GPNMB: variants seen among roughly 807,000 people sequenced by gnomAD.
GPNMB encodes the protein transmembrane glycoprotein NMB.
In GPNMB, 71 loss-of-function variants were observed where a neutral mutation model predicts 57.3. The ratio of observed to expected loss-of-function variants is 1.24; its 90% CI spans 1.02 to 1.51. GPNMB has a LOEUF of 1.51. GPNMB is among the 40% of genes most tolerant of loss of function. The pLI, the probability that GPNMB is intolerant of heterozygous loss-of-function variation, is 0.00. For missense variants in GPNMB, 677 were observed against 691.9 expected (o/e 0.98, Z 0.24); for synonymous variants, 253 against 263.2 (o/e 0.96, Z 0.38).
chr7:23,256,991 T>G lies in GPNMB; in HGVS notation c.467T>G (p.Phe156Cys). ...ACCGGCCAAAGCCATCATAACGTCT[T>G]CCCTGATGGGAAACCTTTTCCTCAC... ...NGTGQSHHNV[F>C]PDGKPFPHHP... is the part of the protein sequence containing the mutation. Residue 156 changes from phenylalanine (F) to cysteine (C), a missense_variant, in exon 4 of 11, where the codon TTC becomes TGC. Physicochemically the swap from Phe to Cys is radical, Grantham distance 205. Transcript: ENST00000258733. 2 of 1,613,988 alleles carry G rather than the reference T, an allele frequency of 1.2e-6. No homozygotes were observed. Among genetic ancestry groups the G allele is most frequent in the Non-Finnish European group, 1.7e-6 (2 of 1,179,808 alleles).
In GPNMB at chr7:23,260,512, G is replaced by A. The variant is rs761261561; in HGVS notation, c.757G>A (p.Glu253Lys). 5 of 1,613,604 alleles carry A rather than the reference G, an allele frequency of 3.1e-6. No homozygotes were observed. The highest frequency in any genetic ancestry group is 2.7e-5 in the African/African-American group (2 of 74,864). The change falls in exon 6 of 11, where the codon GAA (glutamate) becomes AAA (lysine). Residue 253 changes from glutamate to lysine, a missense_variant. By Grantham distance (56) the Glu-to-Lys change is moderately conservative. Coordinates refer to ENST00000258733, the MANE Select transcript of GPNMB (RefSeq NM_002510.3). ...FQKNDRNSSD[E>K]TFLKDLPIMF... ...GAAGAACGATCGAAATTCATCCGAC[G>A]AAACCTTCCTCAAAGATCTCCCCAT... is the stretch of plus-strand genomic sequence containing the variant.
rs1782881387 is a variant in GPNMB, at chr7:23,260,155, C to G, written c.700+17C>G. ...TGGTAACAGGTGAGTGGTGTGAACT[C>G]TAACTGAGGATGAGGCACTTCATTC... is the stretch of plus-strand genomic sequence containing the variant. On this transcript the variant is annotated intron_variant, in intron 5 of 10. Transcript: ENST00000258733. 6.2e-6 allele frequency: 10 copies of G among 1,611,926 alleles called. No individual in the cohort carries two copies. Among genetic ancestry groups the G allele is most frequent in the Non-Finnish European group, 6.8e-6 (8 of 1,178,154 alleles).
chr7:23,247,725 CCG>C (rs1782565968), intron 1 of GPNMB: 1 of 152,258 alleles, frequency 6.6e-6, no homozygotes, highest in African/African-American at 2.4e-5. Context: ...GAGACGTGGG[CCG>C]CGCCCCGGCC....
chr7:23,247,338 T>C (rs1191952823), intron 1 of GPNMB: 5 of 227,000 alleles, frequency 2.2e-5, no homozygotes, highest in Non-Finnish European at 3.6e-5. Flanking sequence ...TGGAGGCAAA[T>C]TTACGAATCT....
chr7:23,251,113 C>A (rs901936018), intron 1 of GPNMB, among the ~76,000 whole-genome samples: 11 of 152,206 alleles, frequency 7.2e-5, no homozygotes, highest in Non-Finnish European at 7.4e-5. Context: ...GGTCACACAT[C>A]CTGTTTAATA....
At chr7:23,253,225 C>A in intron 1 of GPNMB, 82 bp from the exon 2 acceptor site, 1 of 1,217,226 alleles carries the variant, frequency 8.2e-7, no homozygotes, top group Non-Finnish European at 1.2e-6. Flanking sequence ...TGCTTTTCAA[C>A]AGTAAGAAAT....
chr7:23,263,379 A>G (rs1224694512), intron 6 of GPNMB, among the ~76,000 whole-genome samples: 1 of 152,128 alleles, frequency 6.6e-6, no homozygotes, highest in African/African-American at 2.4e-5. Context: ...TGGGAGGCCG[A>G]GGCAGGTGGA....
At chr7:23,269,880 A>C (rs757670018) in intron 8 of GPNMB, 87 bp from the exon 9 acceptor site, 6 of 826,594 alleles carry the variant, frequency 7.3e-6, no homozygotes, top group Non-Finnish European at 2.0e-6. Flanking sequence ...TAGAAATGTA[A>C]TGACTTTCCC....
chr7:23,263,938 G>A (rs1782993820), intron 6 of GPNMB, among the ~76,000 whole-genome samples: 1 of 152,104 alleles, frequency 6.6e-6, no homozygotes, highest in Non-Finnish European at 1.5e-5. Context: ...GAAATCAAAT[G>A]CAAATGCAGG....
chr7:23,260,529 T>A lies in GPNMB; in HGVS notation c.774T>A (p.Asp258Glu), dbSNP rs1367101118. 6.2e-7 allele frequency: 1 copy of A among 1,613,824 alleles called. No homozygotes were observed. The highest frequency in any genetic ancestry group is 1.3e-5 in the African/African-American group (1 of 75,016). Reference sequence around the variant, plus strand: ...CATCCGACGAAACCTTCCTCAAAGATCTCCCCATTATGTTTGATGTCCTGA... The same window carrying A: ...CATCCGACGAAACCTTCCTCAAAGAACTCCCCATTATGTTTGATGTCCTGA... ...RNSSDETFLK[D>E]LPIMFDVLIH... The change falls in exon 6 of 11, where the codon GAT (aspartate) becomes GAA (glutamate). Residue 258 changes from aspartate (D) to glutamate (E), a missense_variant. Physicochemically the swap from Asp to Glu is conservative, Grantham distance 45. Transcript: ENST00000258733.
At chr7:23,262,427 T>C (rs1256488558) in intron 6 of GPNMB, among the ~76,000 whole-genome samples, 1 of 152,074 alleles carries the variant, frequency 6.6e-6, no homozygotes, top group Admixed American at 6.6e-5. Flanking sequence ...GTTTTGGTTG[T>C]GTAAATGGGT....
chr7:23,251,448 T>C (rs961844226), intron 1 of GPNMB, among the ~76,000 whole-genome samples: 6 of 152,250 alleles, frequency 3.9e-5, no homozygotes, highest in African/African-American at 9.6e-5. Context: ...GGAATACAGA[T>C]AATTGAGCTT....
At chr7:23,250,093 A>G (rs1181653451) in intron 1 of GPNMB, among the ~76,000 whole-genome samples, 1 of 152,174 alleles carries the variant, frequency 6.6e-6, no homozygotes, top group Non-Finnish European at 1.5e-5. Flanking sequence ...TCATTTCATT[A>G]ATTTTTACCA....
intron 6 of GPNMB, among the ~76,000 whole-genome samples, chr7:23,262,744 A>C (rs1782957905): frequency 6.8e-6 from 1 of 147,414 alleles, no homozygotes; most frequent in African/African-American, 2.5e-5. Context: ...TCAGCCTCCC[A>C]AGTGGCTGTG....
At chr7:23,266,458 A>G (rs201506520) in intron 6 of GPNMB, 59 bp from the exon 7 acceptor site, 3 of 1,568,820 alleles carry the variant, frequency 1.9e-6, no homozygotes, top group African/African-American at 2.7e-5. Flanking sequence ...TTATTATATC[A>G]CATGTATCTT....
chr7:23,257,065 G>A lies in GPNMB; in HGVS notation c.541G>A (p.Gly181Ser), dbSNP rs949573834. ...TTTCATCTACGTCTTCCACACACTT[G>A]GTTGGCTTTTACAAACCCCTAAGCT... ...WNFIYVFHTL[G>S]QYFQKLGRCS... The change falls in exon 4 of 11, where the codon GGT becomes AGT. Residue 181 changes from glycine (G) to serine (S), a missense_variant and splice_region_variant. By Grantham distance (56) the Gly-to-Ser change is moderately conservative (BLOSUM62 0). Coordinates refer to ENST00000258733, the MANE Select transcript of GPNMB (RefSeq NM_002510.3). 4.3e-6 allele frequency: 7 copies of A among 1,613,776 alleles called. No homozygotes were observed. Among genetic ancestry groups the A allele is most frequent in the Admixed American group, 3.3e-5 (2 of 60,018 alleles).
chr7:23,252,924 C>T (rs910149094), intron 1 of GPNMB, among the ~76,000 whole-genome samples: 2 of 152,014 alleles, frequency 1.3e-5, no homozygotes, highest in African/African-American at 2.4e-5. Flanking sequence ...GCCTGGCATT[C>T]CTTTAGCCAA....
Position 23,254,208 on chromosome 7 carries a change from C to A in GPNMB, c.263C>A (p.Ala88Asp). 3 of 1,614,060 alleles carry A rather than the reference C, an allele frequency of 1.9e-6. No individual in the cohort carries two copies. The highest frequency in any genetic ancestry group is 2.5e-6 in the Non-Finnish European group (3 of 1,179,948). The change falls in exon 3 of 11, where the codon GCC becomes GAC. Residue 88 changes from alanine (A) to aspartate (D), a missense_variant. Transcript: ENST00000258733. ...GCGGTCCTGACCAGTGACTCACCAG[C>A]CCTCGTGGGCTCAAATATAACATTT... ...VQAVLTSDSP[A>D]LVGSNITFAV...
At chr7:23,258,071 T>C (rs1245574834) in intron 4 of GPNMB, 1 of 152,224 alleles carries the variant, frequency 6.6e-6, no homozygotes, top group Non-Finnish European at 1.5e-5. Flanking sequence ...TTTTTTTAAA[T>C]TACAAATGGT....
Sources: allele counts gnomAD v4.1 joint callset (sites outside exome capture counted in the v4.1 genomes callset), GRCh38; gene constraint gnomAD v4.1.1; transcripts MANE v1.5; gene names NCBI Gene and HGNC (gene_info 2026-07-23, HGNC 2026-07-21).